MAF: variants seen among roughly 807,000 people sequenced by gnomAD.
MAF encodes the protein MAF bZIP transcription factor.
In MAF, 10 loss-of-function variants were observed where a neutral mutation model predicts 22.0. That is an observed-to-expected ratio of 0.45 (90% CI 0.28 to 0.77). The LOEUF is 0.77. Ranked by LOEUF, MAF falls within the 30% of genes least tolerant of loss-of-function variation. The pLI, the probability that MAF is intolerant of heterozygous loss-of-function variation, is 0.12. For missense variants in MAF, 544 were observed against 548.4 expected (o/e 0.99, Z 0.08); for synonymous variants, 337 against 255.8 (o/e 1.32, Z -3.03).
the MAF span, among the ~76,000 whole-genome samples, chr16:79,551,803 C>T: frequency 3.3e-5 from 5 of 152,176 alleles, no homozygotes; most frequent in African/African-American, 4.8e-5. Flanking sequence ...GGATGCTTCA[C>T]ACCATAATGG....
At chr16:79,475,917 G>A in the MAF span, among the ~76,000 whole-genome samples, 1 of 152,268 alleles carries the variant, frequency 6.6e-6, no homozygotes, top group East Asian at 1.9e-4. Flanking sequence ...CTGTGAATAT[G>A]ATGGGATATT....
intron 1 of MAF, among the ~76,000 whole-genome samples, chr16:79,586,453 G>A (rs553153887): frequency 6.6e-6 from 1 of 152,168 alleles, no homozygotes; most frequent in Non-Finnish European, 1.5e-5. Flanking sequence ...TGGCACCACT[G>A]ACCTTAACTG....
At chr16:79,474,355 C>T in the MAF span, among the ~76,000 whole-genome samples, 55,758 of 152,076 alleles carry the variant, frequency 0.37, 11,850 homozygotes, top group Middle Eastern at 0.49. Flanking sequence ...AGAAATCATG[C>T]TTGATGAATC....
At chr16:79,363,911 G>A in the MAF span, among the ~76,000 whole-genome samples, 1 of 152,336 alleles carries the variant, frequency 6.6e-6, no homozygotes, top group South Asian at 2.1e-4. Context: ...TGTAAGGGTA[G>A]TTGAGTTGGA....
chr16:79,397,557 A>G, the MAF span, among the ~76,000 whole-genome samples: 2 of 152,168 alleles, frequency 1.3e-5, no homozygotes, highest in Non-Finnish European at 2.9e-5. Context: ...CATTTTTTTA[A>G]CAAAAGCAAA....
chr16:79,383,262 T>C, the MAF span, among the ~76,000 whole-genome samples: 4 of 152,310 alleles, frequency 2.6e-5, no homozygotes, highest in Admixed American at 2.6e-4. Flanking sequence ...AGAAACAATC[T>C]AACCATTTTA....
At chr16:79,407,735 G>T in the MAF span, among the ~76,000 whole-genome samples, 2 of 151,986 alleles carry the variant, frequency 1.3e-5, no homozygotes, top group East Asian at 3.9e-4. Flanking sequence ...AATGGAACAA[G>T]CACAAGAGCA....
the MAF span, among the ~76,000 whole-genome samples, chr16:79,229,079 G>A: frequency 6.6e-6 from 1 of 151,804 alleles, no homozygotes; most frequent in African/African-American, 2.4e-5. Flanking sequence ...CTCACCCACG[G>A]AGCTGTGTGA....
the MAF span, among the ~76,000 whole-genome samples, chr16:79,566,339 G>A: frequency 6.6e-6 from 1 of 152,180 alleles, no homozygotes; most frequent in Admixed American, 6.5e-5. Context: ...TGTAAGAGCT[G>A]AGGGAATGGT....
the MAF span, among the ~76,000 whole-genome samples, chr16:79,228,518 A>G: frequency 1.3e-5 from 2 of 152,072 alleles, no homozygotes; most frequent in African/African-American, 4.8e-5. Context: ...GCCTGGATCC[A>G]TTTCTGTGGC....
the MAF span, among the ~76,000 whole-genome samples, chr16:79,502,894 C>G: frequency 6.6e-6 from 1 of 150,644 alleles, no homozygotes; most frequent in Non-Finnish European, 1.5e-5. Flanking sequence ...GGATAATCCA[C>G]TCATCAAATT....
the MAF span, among the ~76,000 whole-genome samples, chr16:79,543,234 C>T: frequency 6.6e-6 from 1 of 152,218 alleles, no homozygotes; most frequent in Non-Finnish European, 1.5e-5. Flanking sequence ...CTAGCTGGGT[C>T]TGTCCATATG....
At chr16:79,569,961 T>C in the MAF span, among the ~76,000 whole-genome samples, 97 of 151,808 alleles carry the variant, frequency 6.4e-4, no homozygotes, top group African/African-American at 2.3e-3. Flanking sequence ...TGGGATCCTT[T>C]GCTGTCAGCT....
At chr16:79,549,848 A>C in the MAF span, among the ~76,000 whole-genome samples, 1 of 152,150 alleles carries the variant, frequency 6.6e-6, no homozygotes, top group Non-Finnish European at 1.5e-5. Context: ...CACCTTATGA[A>C]GTGATCATTC....
the MAF span, among the ~76,000 whole-genome samples, chr16:79,445,667 A>G: frequency 6.6e-6 from 1 of 152,250 alleles, no homozygotes; most frequent in Non-Finnish European, 1.5e-5. Flanking sequence ...ATGAAGGGAA[A>G]GAGTACAGAA....
At chr16:79,360,139 C>T in the MAF span, among the ~76,000 whole-genome samples, 1 of 152,158 alleles carries the variant, frequency 6.6e-6, no homozygotes, top group Non-Finnish European at 1.5e-5. Flanking sequence ...ATGTCTCATT[C>T]TTGTCTCCAT....
chr16:79,330,759 A>C, the MAF span, among the ~76,000 whole-genome samples: 3 of 152,236 alleles, frequency 2.0e-5, no homozygotes, highest in Non-Finnish European at 2.9e-5. Context: ...AGCTCCTCTA[A>C]GCAGGAATTG....
At chr16:79,323,585 C>T in the MAF span, among the ~76,000 whole-genome samples, 4 of 152,136 alleles carry the variant, frequency 2.6e-5, no homozygotes, top group Non-Finnish European at 5.9e-5. Flanking sequence ...GAAACGCACA[C>T]GCTCCCATGG....
At chr16:79,491,355 C>T in the MAF span, among the ~76,000 whole-genome samples, 1 of 152,176 alleles carries the variant, frequency 6.6e-6, no homozygotes, top group African/African-American at 2.4e-5. Flanking sequence ...AACCCTTGGT[C>T]TGCCAAACAA....
Sources: gnomAD v4.1 joint callset for allele counts (sites outside exome capture counted in the v4.1 genomes callset) on GRCh38, gnomAD v4.1.1 for gene constraint, MANE v1.5 for transcripts, NCBI Gene and HGNC (gene_info 2026-07-23, HGNC 2026-07-21) for gene names.